Variants in SGK3 observed in about 807,000 individuals in gnomAD.
The protein encoded by SGK3 is serine/threonine-protein kinase Sgk3.
Under a neutral mutation model 68.5 loss-of-function variants are expected in SGK3, and 47 were observed. That is an observed-to-expected ratio of 0.69 (90% CI 0.54 to 0.87). The LOEUF is 0.87. SGK3 is among the 40% of genes least tolerant of loss of function. The pLI, the probability that SGK3 is intolerant of heterozygous loss-of-function variation, is 0.00. For missense variants in SGK3, 479 were observed against 575.5 expected (o/e 0.83, Z 1.72); for synonymous variants, 181 against 189.1 (o/e 0.96, Z 0.35).
chr8:66,822,183 A>G (rs1333682023), intron 5 of SGK3, among the ~76,000 whole-genome samples, 189 bp from the exon 6 acceptor site: 2 of 151,386 alleles, frequency 1.3e-5, no homozygotes, highest in African/African-American at 2.4e-5. Context: ...CCATTTGTCT[A>G]TTGGTTTCTC....
intron 5 of SGK3, among the ~76,000 whole-genome samples, chr8:66,817,545 G>T (rs1207258564): frequency 2.0e-5 from 3 of 151,884 alleles, no homozygotes; most frequent in African/African-American, 7.2e-5. Context: ...TGAAGACAGG[G>T]TTTCCTCATG....
chr8:66,757,926 T>TGTATATATATATATATAC (rs1410480274), intron 1 of SGK3, among the ~76,000 whole-genome samples: 17 of 135,852 alleles, frequency 1.3e-4, no homozygotes, highest in Non-Finnish European at 2.3e-4. Context: ...AAAAAAAAAG[T>TGTATATATATATATATAC]GTATATATAT....
intron 1 of SGK3, among the ~76,000 whole-genome samples, chr8:66,737,977 C>T (rs370472280): frequency 6.6e-6 from 1 of 151,940 alleles, no homozygotes; most frequent in African/African-American, 2.4e-5. Context: ...TAGATAGCTA[C>T]CTTAATATAG....
intron 1 of SGK3, among the ~76,000 whole-genome samples, chr8:66,757,964 C>CTA (rs1321005699): frequency 4.1e-5 from 6 of 147,038 alleles, no homozygotes; most frequent in Admixed American, 6.9e-5. Flanking sequence ...TATACACACA[C>CTA]TATATATATA....
chr8:66,780,233 A>AT (rs1160832233), intron 1 of SGK3, among the ~76,000 whole-genome samples: 1 of 152,180 alleles, frequency 6.6e-6, no homozygotes, highest in Non-Finnish European at 1.5e-5. Context: ...ATAATGAGGC[A>AT]TTGGTCACTG....
chr8:66,770,268 T>C (rs1806466142), intron 1 of SGK3, among the ~76,000 whole-genome samples: 1 of 152,216 alleles, frequency 6.6e-6, no homozygotes, highest in Non-Finnish European at 1.5e-5. Context: ...GTGATTACTT[T>C]TTATCTCATT....
At chr8:66,815,738 CT>C (rs1808549146) in intron 5 of SGK3, among the ~76,000 whole-genome samples, 1 of 152,072 alleles carries the variant, frequency 6.6e-6, no homozygotes, top group African/African-American at 2.4e-5. Context: ...CTCAGAACCC[CT>C]AACACTATAT....
intron 1 of SGK3, among the ~76,000 whole-genome samples, chr8:66,762,468 G>A (rs1480794667): frequency 6.6e-6 from 1 of 152,096 alleles, no homozygotes; most frequent in East Asian, 1.9e-4. Context: ...AGTGAGCCAA[G>A]ATCGCGCCAC....
At chr8:66,831,107 G>T in intron 7 of SGK3, 147 bp from the exon 8 acceptor site, 2 of 800,648 alleles carry the variant, frequency 2.5e-6, no homozygotes, top group South Asian at 1.7e-5. Flanking sequence ...CATGAAAGAT[G>T]AAGTACTCAG....
intron 16 of SGK3, among the ~76,000 whole-genome samples, chr8:66,855,945 C>T (rs967444508): frequency 1.3e-5 from 2 of 152,142 alleles, no homozygotes; most frequent in Non-Finnish European, 2.9e-5. Flanking sequence ...CTGTAATTTT[C>T]CATATATATG....
At chr8:66,791,947 C>CATT (rs1807474673) in intron 1 of SGK3, among the ~76,000 whole-genome samples, 2 of 152,190 alleles carry the variant, frequency 1.3e-5, no homozygotes, top group Admixed American at 1.3e-4. Flanking sequence ...CTTTAGAATG[C>CATT]TATAATTTAC....
intron 6 of SGK3, among the ~76,000 whole-genome samples, chr8:66,828,125 G>GAA (rs1157693194): frequency 7.3e-6 from 1 of 136,792 alleles, no homozygotes. Context: ...CTCCGTCTCA[G>GAA]AAAAAAAAAA....
chr8:66,859,487 C>A lies in SGK3; in HGVS notation c.1397C>A (p.Ser466Tyr). The A allele has an allele frequency of 6.2e-7, 1 of 1,613,764 alleles. No individual in the cohort carries two copies. Among genetic ancestry groups the A allele is most frequent in the Non-Finnish European group, 8.5e-7 (1 of 1,179,780 alleles). ...ETVPYSVCVSSDYSIVNASVL... is the reference protein window; with the variant it reads ...ETVPYSVCVSYDYSIVNASVL... ...GTTCCATATTCTGTGTGTGTATCTTCTGACTATTCTATAGTGAATGCCAGT... is the reference window on the plus strand; with the variant it reads ...GTTCCATATTCTGTGTGTGTATCTTATGACTATTCTATAGTGAATGCCAGT... Residue 466 changes from serine (S) to tyrosine (Y), a missense_variant, in exon 17 of 17, where the codon TCT becomes TAT. By Grantham distance (144) the Ser-to-Tyr change is moderately radical (BLOSUM62 -2). Around this residue, in one of 3 missense-constraint regions of SGK3, gnomAD observed 173 missense variants for 214.3 expected, o/e 0.81. Transcript: ENST00000521198.
intron 1 of SGK3, among the ~76,000 whole-genome samples, chr8:66,726,178 A>T (rs1038159911): frequency 3.3e-5 from 5 of 152,162 alleles, no homozygotes; most frequent in African/African-American, 1.2e-4. Flanking sequence ...ACTAATATTT[A>T]TTGAGTTTCT....
chr8:66,734,144 T>C (rs1805245143), intron 1 of SGK3, among the ~76,000 whole-genome samples: 1 of 152,164 alleles, frequency 6.6e-6, no homozygotes, highest in African/African-American at 2.4e-5. Flanking sequence ...CTGCTTTTTG[T>C]TGTATTACTT....
At position 66,793,767 on chromosome 8, in the gene SGK3, G is replaced by T; in HGVS notation, c.31G>T (p.Glu11Ter). ...AAGAGATCACACCATGGACTACAAG[G>T]AAAGCTGCCCAAGTGTAAGCATTCC... MQRDHTMDYK[E>*]SCPSVSIPSS... The change falls in exon 2 of 17, where the codon GAA becomes TAA. Residue 11 changes from glutamate (E) to a stop codon, truncating the protein, a stop_gained. Coordinates refer to ENST00000521198, the MANE Select transcript of SGK3 (RefSeq NM_001033578.3). LOFTEE classifies it high-confidence loss of function. The T allele has an allele frequency of 3.7e-6, 6 of 1,613,406 alleles. No homozygotes were observed. The highest frequency in any genetic ancestry group is 5.1e-6 in the Non-Finnish European group (6 of 1,179,590).
intron 2 of SGK3, among the ~76,000 whole-genome samples, chr8:66,795,315 A>G (rs1037333221): frequency 1.3e-5 from 2 of 152,224 alleles, no homozygotes; most frequent in African/African-American, 2.4e-5. Flanking sequence ...AGAAATTGCA[A>G]TGTGCGTCTG....
chr8:66,778,670 C>T (rs556586911), intron 1 of SGK3, among the ~76,000 whole-genome samples: 1 of 152,188 alleles, frequency 6.6e-6, no homozygotes, highest in Admixed American at 6.5e-5. Flanking sequence ...TATTGAGCTT[C>T]AACAATTATT....
chr8:66,734,542 T>A (rs1440874105), intron 1 of SGK3, among the ~76,000 whole-genome samples: 1 of 152,176 alleles, frequency 6.6e-6, no homozygotes, highest in Non-Finnish European at 1.5e-5. Context: ...TCTAAAAAAA[T>A]TTTAAATTCT....
Sources: allele counts gnomAD v4.1 joint callset (sites outside exome capture counted in the v4.1 genomes callset), GRCh38; gene constraint gnomAD v4.1.1; regional missense constraint gnomAD v4.1.1; transcripts MANE v1.5; gene names NCBI Gene and HGNC (gene_info 2026-07-23, HGNC 2026-07-21).